The following ALS2 variants were observed in gnomAD, a reference collection of about 807,000 sequenced individuals.
The protein encoded by ALS2 is alsin.
ALS2 carries 117 observed loss-of-function variants against 203.4 expected under a neutral mutation model. The ratio of observed to expected loss-of-function variants is 0.58; its 90% CI spans 0.50 to 0.67. The LOEUF is 0.67. Among genes scored for constraint, ALS2 ranks in the 30% least tolerant of loss-of-function variants. ALS2 has a pLI of 0.00. For synonymous variants in ALS2, 718 were observed against 725.9 expected (o/e 0.99, Z 0.17); for missense variants, 1,715 against 1,989.4 (o/e 0.86, Z 2.62).
chr2:201,778,134 TG>T (rs1398493806), intron 1 of ALS2, among the ~76,000 whole-genome samples: 1 of 152,180 alleles, frequency 6.6e-6, no homozygotes, highest in Non-Finnish European at 1.5e-5. Flanking sequence ...ATGCCATTAT[TG>T]GGTCTAAACC....
At chr2:201,702,646 G>A (rs925387717) in intron 33 of ALS2, among the ~76,000 whole-genome samples, 1 of 152,134 alleles carries the variant, frequency 6.6e-6, no homozygotes, top group African/African-American at 2.4e-5. Flanking sequence ...TAAATCTGCA[G>A]TACTACGATT....
At chr2:201,762,296 G>A (rs6740725) in intron 3 of ALS2, among the ~76,000 whole-genome samples, 25,741 of 152,134 alleles carry the variant, frequency 0.17, 2,495 homozygotes, top group East Asian at 0.4. Context: ...AAATATTAGC[G>A]ATTCATTTTG....
chr2:201,750,362 A>C (rs746003334), intron 7 of ALS2, among the ~76,000 whole-genome samples: 9 of 152,234 alleles, frequency 5.9e-5, no homozygotes, highest in Non-Finnish European at 1.3e-4. Context: ...AGAGAGGTTA[A>C]TTTACCCATG....
intron 33 of ALS2, among the ~76,000 whole-genome samples, chr2:201,703,704 T>C (rs1689521872): frequency 1.3e-5 from 2 of 152,200 alleles, no homozygotes; most frequent in Non-Finnish European, 2.9e-5. Context: ...TTACAGTAAA[T>C]ACAAGGCAAA....
chr2:201,757,409 C>T lies in ALS2; in HGVS notation c.1464G>A (p.Leu488=), dbSNP rs1693463838. 1 of 1,613,504 alleles carries T rather than the reference C, an allele frequency of 6.2e-7. No individual in the cohort carries two copies. ...GSRRLSLPGL[L]SQVSPRLLRK... ...ACCTAGTTATTTCCTTACCTTGTGA[C>T]AACAATCCAGGGAGGGAGAGTCTTC... The change falls in exon 5 of 34, where the codon TTG becomes TTA. Residue 488 remains leucine (L), a synonymous_variant. Transcript: ENST00000264276.
intron 29 of ALS2, among the ~76,000 whole-genome samples, chr2:201,706,355 C>A (rs912476208): frequency 6.6e-6 from 1 of 150,772 alleles, no homozygotes; most frequent in Non-Finnish European, 1.5e-5. Flanking sequence ...CATCGCACTC[C>A]TGCCTGCATG....
At chr2:201,734,703 A>C (rs1052567781) in intron 12 of ALS2, among the ~76,000 whole-genome samples, 6 of 152,174 alleles carry the variant, frequency 3.9e-5, no homozygotes, top group African/African-American at 1.4e-4. Context: ...ACAGTAGACC[A>C]GAAATGTTCC....
intron 1 of ALS2, 63 bp downstream of exon 1, chr2:201,780,814 A>C (rs2106124654): frequency 6.5e-6 from 1 of 152,926 alleles, no homozygotes; most frequent in East Asian, 1.9e-4. Flanking sequence ...TTCCGCATAC[A>C]AGGGGTCCCA....
intron 1 of ALS2, among the ~76,000 whole-genome samples, chr2:201,778,799 A>G (rs1329707248): frequency 6.6e-6 from 1 of 152,208 alleles, no homozygotes; most frequent in Non-Finnish European, 1.5e-5. Flanking sequence ...TAAATGATTT[A>G]AAAGTCACAA....
Position 201,761,457 on chromosome 2 carries a change from C to T in ALS2, c.537G>A (p.Gln179=), listed in dbSNP as rs1198069855. The change falls in exon 4 of 34, where the codon CAG becomes CAA. Residue 179 remains glutamine (Q), a synonymous_variant. Transcript: ENST00000264276. ...REIWAWGTGC[Q]LGLITTAFPV... is the part of the protein sequence containing the mutation. ...GGAAGGCAGTGGTAATGAGACCCAA[C>T]TGACAACCGGTACCCCATGCCCAAA... The T allele has an allele frequency of 1.2e-6, 2 of 1,607,538 alleles. No homozygotes were observed. Among genetic ancestry groups the T allele is most frequent in the East Asian group, 2.2e-5 (1 of 44,704 alleles).
At chr2:201,760,637 T>C (rs1306698868) in intron 4 of ALS2, 9 of 1,307,442 alleles carry the variant, frequency 6.9e-6, no homozygotes, top group Non-Finnish European at 8.7e-6. Flanking sequence ...GAAATGCTCC[T>C]ACTTATAAAA....
chr2:201,745,664 T>C (rs142213954), intron 9 of ALS2, among the ~76,000 whole-genome samples: 38 of 152,118 alleles, frequency 2.5e-4, no homozygotes, highest in African/African-American at 6.3e-4. Context: ...GAAATAAAAT[T>C]AAGGCCAAAC....
intron 10 of ALS2, among the ~76,000 whole-genome samples, chr2:201,743,084 AAAG>A (rs1484422609): frequency 5.3e-5 from 8 of 151,314 alleles, no homozygotes; most frequent in African/African-American, 7.3e-5. Context: ...AAAAAAAAAA[AAAG>A]AAAGAAACAA....
At position 201,749,704 on chromosome 2, in the gene ALS2, A is replaced by C. The variant is rs746020900; in HGVS notation, c.1815+8T>G. ...TGGAATAAGTTGCTATCAAGTTCAC[A>C]AAAGTACCTTTGCAAGACGAGGAAC... On this transcript the variant is annotated splice_region_variant and intron_variant, in intron 8 of 33. Coordinates refer to ENST00000264276, the MANE Select transcript of ALS2 (RefSeq NM_020919.4). The C allele has an allele frequency of 1.9e-5, 31 of 1,612,260 alleles. No individual in the cohort carries two copies. Among genetic ancestry groups the C allele is most frequent in the Non-Finnish European group, 2.5e-5 (29 of 1,178,310 alleles).
At chr2:201,753,343 C>A in intron 6 of ALS2, 101 bp from the exon 7 acceptor site, 1 of 908,164 alleles carries the variant, frequency 1.1e-6, no homozygotes, top group South Asian at 1.3e-5. Context: ...ATAAACATTT[C>A]TAAAGAAAAC....
intron 10 of ALS2, among the ~76,000 whole-genome samples, chr2:201,743,864 G>T (rs912993103): frequency 1.3e-5 from 2 of 152,246 alleles, no homozygotes; most frequent in African/African-American, 4.8e-5. Flanking sequence ...ACAATTCTAA[G>T]AACTATAATG....
chr2:201,707,151 A>T, intron 28 of ALS2, 129 bp from the exon 29 acceptor site: 1 of 808,702 alleles, frequency 1.2e-6, no homozygotes, highest in Admixed American at 2.1e-5. Context: ...TTATAATATT[A>T]CTCTGCTCTT....
chr2:201,776,446 T>G (rs1326895624), intron 1 of ALS2, among the ~76,000 whole-genome samples: 2 of 152,188 alleles, frequency 1.3e-5, no homozygotes, highest in Non-Finnish European at 2.9e-5. Context: ...TTGTACCCAC[T>G]GCATATTTTA....
In ALS2 at chr2:201,761,083, T is replaced by A; in HGVS notation, c.911A>T (p.Glu304Val). 1 of 1,614,190 alleles carries A rather than the reference T, an allele frequency of 6.2e-7. No homozygotes were observed. Residue 304 changes from glutamate to valine, a missense_variant, in exon 4 of 34, where the codon GAA becomes GTA. By Grantham distance (121) the Glu-to-Val change is moderately radical. Coordinates refer to ENST00000264276, the MANE Select transcript of ALS2 (RefSeq NM_020919.4). Reference protein sequence around the residue: ...LVANDQSVATELNAVSAQITS... With the variant: ...LVANDQSVATVLNAVSAQITS... ...GATCTGAGCACTTACTGCATTCAGT[T>A]CAGTAGCAACAGACTGATCATTTGC... is the stretch of plus-strand genomic sequence containing the variant.
Sources: gnomAD v4.1 joint callset for allele counts (sites outside exome capture counted in the v4.1 genomes callset) on GRCh38, gnomAD v4.1.1 for gene constraint, MANE v1.5 for transcripts, NCBI Gene and HGNC (gene_info 2026-07-23, HGNC 2026-07-21) for gene names.